Variants in GRM8 observed in about 807,000 individuals in gnomAD.
GRM8 encodes the protein metabotropic glutamate receptor 8.
A neutral mutation model predicts 87.2 loss-of-function variants in GRM8; 47 were observed. That is an observed-to-expected ratio of 0.54 (90% CI 0.43 to 0.69). GRM8 has a LOEUF of 0.69. GRM8 is among the 30% of genes least tolerant of loss of function. GRM8 has a pLI of 0.00. For missense variants in GRM8, 1,019 were observed against 1,139.2 expected, an observed-to-expected ratio of 0.89 and a Z score of 1.52; for synonymous variants, 396 against 404.5, an observed-to-expected ratio of 0.98 and a Z score of 0.25.
chr7:126,820,688 C>A lies in GRM8; in HGVS notation c.1157-50623G>T, dbSNP rs148642816. Among the ~76,000 whole-genome samples, 1,415 of 152,330 alleles carry A rather than the reference C, an allele frequency of 9.3e-3. 24 individuals carry two copies. Among genetic ancestry groups the A allele is most frequent in the African/African-American group, 0.032 (1,313 of 41,560 alleles). On this transcript the variant is annotated intron_variant, in intron 6 of 10. Transcript: ENST00000339582. ...ATCCTCTACATGTTCTTTACCAGTT[C>A]TTTCTCTCTCTCTCTGTTTCTCCAC... is the stretch of plus-strand genomic sequence containing the variant.
chr7:126,605,375 T>C (rs543649929), intron 8 of GRM8, among the ~76,000 whole-genome samples: 37 of 152,192 alleles, frequency 2.4e-4, no homozygotes, highest in Middle Eastern at 6.8e-3. Flanking sequence ...CTGATTGTAA[T>C]TGCCAAATTA....
At chr7:126,469,412 A>G (rs1210841434) in intron 9 of GRM8, among the ~76,000 whole-genome samples, 2 of 152,122 alleles carry the variant, frequency 1.3e-5, no homozygotes, top group Non-Finnish European at 2.9e-5. Flanking sequence ...TCAAATCAAA[A>G]TGACCATTTC....
rs182567358 is a variant in GRM8 at position 126,877,733 on chromosome 7, C to T, written c.1156+24809G>A. ...CTCTAGCTGAAAGTATGGCAGCCCA[C>T]CTATGAACTCTCAAAGTTGTTTATA... is the stretch of plus-strand genomic sequence containing the variant. On this transcript the variant is annotated intron_variant, in intron 6 of 10. Transcript: ENST00000339582. Among the ~76,000 whole-genome samples, 313 of 152,286 alleles carry T rather than the reference C, an allele frequency of 2.1e-3. 1 individual carries two copies. Among genetic ancestry groups the T allele is most frequent in the African/African-American group, 7.2e-3 (299 of 41,562 alleles).
At chr7:126,729,150 C>A (rs1282519301) in intron 7 of GRM8, among the ~76,000 whole-genome samples, 1 of 152,132 alleles carries the variant, frequency 6.6e-6, no homozygotes, top group Admixed American at 6.6e-5. Context: ...AGCTATTCAC[C>A]CTCCCTTTGC....
At chr7:126,910,906 C>T (rs1230197243) in intron 3 of GRM8, among the ~76,000 whole-genome samples, 1 of 152,124 alleles carries the variant, frequency 6.6e-6, no homozygotes, top group African/African-American at 2.4e-5. Flanking sequence ...AGAGTGGCCC[C>T]ACATAATCTT....
chr7:126,626,090 T>C (rs1010971036), intron 7 of GRM8, among the ~76,000 whole-genome samples: 1 of 122,562 alleles, frequency 8.2e-6, no homozygotes, highest in East Asian at 2.8e-4. Context: ...GATGATTACA[T>C]ATATGAGAGA....
chr7:126,886,012 G>C (rs931602272), intron 6 of GRM8, among the ~76,000 whole-genome samples: 5 of 152,078 alleles, frequency 3.3e-5, no homozygotes, highest in African/African-American at 1.2e-4. Context: ...GATTATGGTG[G>C]TGTAATTTTC....
intron 7 of GRM8, among the ~76,000 whole-genome samples, chr7:126,706,597 C>T (rs1168440677): frequency 1.3e-5 from 2 of 152,098 alleles, no homozygotes; most frequent in South Asian, 4.1e-4. Context: ...TAAATCTCAA[C>T]CTAAAACACC....
intron 8 of GRM8, among the ~76,000 whole-genome samples, chr7:126,545,828 T>C (rs1417198082): frequency 2.6e-5 from 4 of 152,206 alleles, no homozygotes; most frequent in Non-Finnish European, 5.9e-5. Flanking sequence ...TTTCATTTAA[T>C]TATGTACATT....
At chr7:126,520,329 A>G (rs943559858) in intron 9 of GRM8, among the ~76,000 whole-genome samples, 8 of 152,168 alleles carry the variant, frequency 5.3e-5, no homozygotes, top group Admixed American at 1.3e-4. Flanking sequence ...CATTCAATGA[A>G]TAGTGACCAT....
chr7:127,219,043 C>A, intron 2 of GRM8, among the ~76,000 whole-genome samples: 1 of 152,156 alleles, frequency 6.6e-6, no homozygotes, highest in East Asian at 1.9e-4. Flanking sequence ...CTCATTATGC[C>A]AAGAACTGCA....
At chr7:126,866,424 C>G (rs1373612171) in intron 6 of GRM8, among the ~76,000 whole-genome samples, 1 of 151,388 alleles carries the variant, frequency 6.6e-6, no homozygotes, top group African/African-American at 2.4e-5. Flanking sequence ...ATTTCAATGT[C>G]CCATTTATCT....
At chr7:126,664,366 G>C (rs1805536928) in intron 7 of GRM8, among the ~76,000 whole-genome samples, 1 of 152,022 alleles carries the variant, frequency 6.6e-6, no homozygotes, top group Non-Finnish European at 1.5e-5. Context: ...CAGGGGCATT[G>C]CATTATTCAA....
At chr7:127,043,602 CG>C (rs1198019711) in intron 3 of GRM8, among the ~76,000 whole-genome samples, 1 of 152,044 alleles carries the variant, frequency 6.6e-6, no homozygotes, top group Non-Finnish European at 1.5e-5. Flanking sequence ...ACATCACACA[CG>C]GGGCCTGTTG....
intron 7 of GRM8, among the ~76,000 whole-genome samples, chr7:126,753,744 A>G (rs1475626986): frequency 6.6e-6 from 1 of 151,928 alleles, no homozygotes; most frequent in African/African-American, 2.4e-5. Context: ...TACTGAAAGA[A>G]TGTTTATTAT....
intron 2 of GRM8, among the ~76,000 whole-genome samples, chr7:127,208,247 G>C (rs7780643): frequency 1.9e-3 from 291 of 152,222 alleles, no homozygotes; most frequent in African/African-American, 6.6e-3. Context: ...TGGGATGCAG[G>C]TAATACGCAT....
chr7:127,115,081 C>T (rs1826622376), intron 2 of GRM8, among the ~76,000 whole-genome samples: 1 of 152,102 alleles, frequency 6.6e-6, no homozygotes, highest in Non-Finnish European at 1.5e-5. Context: ...ACAGCCAGCC[C>T]CTGGCAACCT....
chr7:127,062,689 G>A (rs940323021), intron 3 of GRM8, among the ~76,000 whole-genome samples: 7 of 152,106 alleles, frequency 4.6e-5, no homozygotes, highest in African/African-American at 1.7e-4. Context: ...CAATTTTAGA[G>A]CTGGCTTTTG....
chr7:126,792,282 T>C (rs1821432358), intron 6 of GRM8, among the ~76,000 whole-genome samples: 1 of 152,180 alleles, frequency 6.6e-6, no homozygotes, highest in Non-Finnish European at 1.5e-5. Flanking sequence ...TAGCTATTGC[T>C]CCTGGAAACC....
Sources: gnomAD v4.1 joint callset for allele counts (sites outside exome capture counted in the v4.1 genomes callset) on GRCh38, gnomAD v4.1.1 for gene constraint, MANE v1.5 for transcripts, NCBI Gene and HGNC (gene_info 2026-07-23, HGNC 2026-07-21) for gene names.